ADAM7: variants seen among roughly 807,000 people sequenced by gnomAD.
The protein encoded by ADAM7 is ADAM metallopeptidase domain 7, also known as disintegrin and metalloproteinase domain-containing protein 7.
ADAM7 carries 97 observed loss-of-function variants against 102.9 expected under a neutral mutation model. The ratio of observed to expected loss-of-function variants is 0.94; its 90% CI spans 0.80 to 1.12. The LOEUF (loss-of-function observed/expected upper bound fraction) is 1.12, where lower values mean the gene tolerates loss of function less well. ADAM7 is among the 50% of genes most tolerant of loss of function. The probability of loss-of-function intolerance (pLI) is 0.00; values close to 1 mark genes in which losing one functional copy is unlikely to be tolerated. For missense variants in ADAM7, 991 were observed against 908.7 expected (o/e 1.09, Z -1.16); for synonymous variants, 334 against 304.4 (o/e 1.10, Z -1.01).
At chr8:24,477,104 G>A (rs190016471) in intron 8 of ADAM7, among the ~76,000 whole-genome samples, 6 of 152,248 alleles carry the variant, frequency 3.9e-5, no homozygotes, top group Admixed American at 3.9e-4. Context: ...CACCAGTTGA[G>A]GGACATTTAA....
Position 24,490,866 on chromosome 8 carries a change from G to T in ADAM7, c.1334G>T (p.Gly445Val). ...VLKPGFTCAE[G>V]ECCESCQIKK... ...AAGCCAGGATTTACTTGTGCAGAAGGAGAATGCTGTGAATCTTGTCAGGTA... is the reference window on the plus strand; with the variant it reads ...AAGCCAGGATTTACTTGTGCAGAAGTAGAATGCTGTGAATCTTGTCAGGTA... Residue 445 changes from glycine (G) to valine (V), a missense_variant, in exon 13 of 22, where the codon GGA becomes GTA. Gly to Val is a moderately radical substitution (Grantham distance 109, BLOSUM62 -3). Coordinates refer to ENST00000175238, the MANE Select transcript of ADAM7 (RefSeq NM_003817.4). 6.2e-7 allele frequency: 1 copy of T among 1,613,430 alleles called. No homozygotes were observed. Among genetic ancestry groups the T allele is most frequent in the South Asian group, 1.1e-5 (1 of 91,044 alleles).
chr8:24,492,143 T>A, intron 14 of ADAM7, 45 bp downstream of exon 14: 1 of 1,557,506 alleles, frequency 6.4e-7, no homozygotes, highest in Admixed American at 1.8e-5. Flanking sequence ...TGGTGGCCTC[T>A]ATTTCTCTGT....
Position 24,466,820 on chromosome 8 carries a change from CCAA to C in ADAM7, c.412_414del (p.Gln138del), listed in dbSNP as rs755190811. On this transcript the variant is annotated inframe_deletion, in exon 6 of 22. Transcript: ENST00000175238. ...ACAGGGGATTCTTCAGAATAAACGA[CCAA>C]AGATACCTCATTGAACCAGTGAAAT... The C allele has an allele frequency of 6.2e-7, 1 of 1,613,170 alleles. No individual in the cohort carries two copies. Among genetic ancestry groups the C allele is most frequent in the South Asian group, 1.1e-5 (1 of 90,742 alleles).
At chr8:24,450,948 A>T (rs141278249) in intron 3 of ADAM7, among the ~76,000 whole-genome samples, 6,697 of 152,262 alleles carry the variant, frequency 0.044, 212 homozygotes, top group African/African-American at 0.06. Flanking sequence ...ATGCTAGATT[A>T]CATTTATTGA....
chr8:24,466,863 G>C lies in ADAM7; in HGVS notation c.454G>C (p.Glu152Gln), dbSNP rs748959286. 16 of 1,613,976 alleles carry C rather than the reference G, an allele frequency of 9.9e-6. No individual in the cohort carries two copies. Among genetic ancestry groups the C allele is most frequent in the African/African-American group, 1.3e-5 (1 of 75,034 alleles). The change falls in exon 6 of 22, where the codon GAA (glutamate) becomes CAA (glutamine). Residue 152 changes from glutamate (E) to glutamine (Q), a missense_variant. Glu to Gln is a conservative substitution (Grantham distance 29). Coordinates refer to ENST00000175238, the MANE Select transcript of ADAM7 (RefSeq NM_003817.4). ...IEPVKYSDEGEHLVFKYNLRV... is the reference protein window; with the variant it reads ...IEPVKYSDEGQHLVFKYNLRV... Reference sequence around the variant, plus strand: ...ACCAGTGAAATACTCAGATGAGGGAGAACATTTGGTGTTCAAATATAACCT... The same window carrying C: ...ACCAGTGAAATACTCAGATGAGGGACAACATTTGGTGTTCAAATATAACCT...
intron 11 of ADAM7, among the ~76,000 whole-genome samples, chr8:24,487,964 G>A (rs987660848): frequency 6.6e-6 from 1 of 152,064 alleles, no homozygotes; most frequent in South Asian, 2.1e-4. Context: ...AAGCTATAAT[G>A]TCTTCCTTCA....
At chr8:24,507,418 T>A in intron 20 of ADAM7, 62 bp from the exon 21 acceptor site, 1 of 1,331,954 alleles carries the variant, frequency 7.5e-7, no homozygotes. Context: ...TGTCTGTGTG[T>A]GGATGCCCAT....
At chr8:24,502,656 A>C (rs1300752813) in intron 20 of ADAM7, among the ~76,000 whole-genome samples, 1 of 152,114 alleles carries the variant, frequency 6.6e-6, no homozygotes, top group Non-Finnish European at 1.5e-5. Context: ...GAAATTTTTG[A>C]AAGATAAACA....
intron 5 of ADAM7, 118 bp downstream of exon 5, chr8:24,465,893 G>A: frequency 1.5e-6 from 1 of 658,922 alleles, no homozygotes; most frequent in Non-Finnish European, 2.3e-6. Flanking sequence ...TGAGAAAAAA[G>A]CTGCTGTGCA....
chr8:24,449,637 GA>G (rs1818703473), intron 3 of ADAM7, among the ~76,000 whole-genome samples: 1 of 152,158 alleles, frequency 6.6e-6, no homozygotes, highest in African/African-American at 2.4e-5. Context: ...TTGCTGTGCA[GA>G]AGCTCTTTAG....
chr8:24,442,426 C>T (rs753691014), intron 1 of ADAM7, 47 bp from the exon 2 acceptor site: 10 of 1,312,328 alleles, frequency 7.6e-6, no homozygotes, highest in Admixed American at 6.7e-5. Flanking sequence ...CCGCTGTAGA[C>T]GAATGTTAAT....
chr8:24,459,280 C>T (rs1005501000), intron 3 of ADAM7, among the ~76,000 whole-genome samples: 1 of 151,688 alleles, frequency 6.6e-6, no homozygotes, highest in African/African-American at 2.4e-5. Context: ...ACTTAAGTTG[C>T]CCCCTTTTTT....
At chr8:24,457,512 G>A (rs1054417392) in intron 3 of ADAM7, among the ~76,000 whole-genome samples, 2 of 152,088 alleles carry the variant, frequency 1.3e-5, no homozygotes, top group Non-Finnish European at 2.9e-5. Context: ...CTAAGCTCAG[G>A]CAATCCACCC....
Position 24,463,996 on chromosome 8 carries a change from A to C in ADAM7, c.312+36A>C, listed in dbSNP as rs536854278. The C allele has an allele frequency of 3.8e-6, 6 of 1,564,824 alleles. No individual in the cohort carries two copies. In the African/African-American group the frequency reaches 5.4e-5, roughly 14 times the overall value. ...GAACTTTACTGTGTCTCTTCTCTAA[A>C]AGCAGTATTTCCTGATGTGATTTTG... On this transcript the variant is annotated intron_variant, in intron 4 of 21. Coordinates refer to ENST00000175238, the MANE Select transcript of ADAM7 (RefSeq NM_003817.4).
At position 24,441,129 on chromosome 8, in the gene ADAM7, C is replaced by G. The variant is rs1232166310; in HGVS notation, c.21C>G (p.Phe7Leu). 1.9e-5 allele frequency: 30 copies of G among 1,613,710 alleles called. No homozygotes were observed. Among genetic ancestry groups the G allele is most frequent in the Non-Finnish European group, 2.5e-5 (29 of 1,179,738 alleles). The change falls in exon 1 of 22, where the codon TTC becomes TTG. Residue 7 changes from phenylalanine (F) to leucine (L), a missense_variant. Physicochemically the swap from Phe to Leu is conservative, Grantham distance 22. Transcript: ENST00000175238. Reference sequence around the variant, plus strand: ...TCAGAATGCTTCCCGGGTGTATATTCTTGATGATTTTACTCATTCCTCAGG... The same window carrying G: ...TCAGAATGCTTCCCGGGTGTATATTGTTGATGATTTTACTCATTCCTCAGG... MLPGCI[F>L]LMILLIPQVK...
chr8:24,472,815 G>A (rs970192239), intron 7 of ADAM7, among the ~76,000 whole-genome samples: 6 of 151,932 alleles, frequency 3.9e-5, no homozygotes, highest in Admixed American at 2.6e-4. Flanking sequence ...GTTCAACAGA[G>A]CCAAGTACTA....
chr8:24,457,759 C>T (rs150376552), intron 3 of ADAM7, among the ~76,000 whole-genome samples: 3 of 152,140 alleles, frequency 2.0e-5, no homozygotes, highest in Non-Finnish European at 4.4e-5. Context: ...TGCCTAACTG[C>T]AAATCACAAA....
chr8:24,462,487 T>C (rs183674114), intron 3 of ADAM7, among the ~76,000 whole-genome samples: 7 of 152,342 alleles, frequency 4.6e-5, no homozygotes, highest in Admixed American at 3.3e-4. Flanking sequence ...AACTGGAAAC[T>C]TCATCTTATG....
Position 24,508,715 on chromosome 8 carries a change from A to G in ADAM7, c.*169A>G, listed in dbSNP as rs1221756014. The stretch of plus-strand genomic sequence containing the variant: ...AGAGAAACAACTTATTTCTGTTAAT[A>G]TTTACCGGTAGAATTCACACCCTCT... On this transcript the variant is annotated 3_prime_UTR_variant, in exon 22 of 22. Coordinates refer to ENST00000175238, the MANE Select transcript of ADAM7 (RefSeq NM_003817.4). 2 of 1,437,140 alleles carry G rather than the reference A, an allele frequency of 1.4e-6. No individual in the cohort carries two copies. The highest frequency in any genetic ancestry group is 1.8e-6 in the Non-Finnish European group (2 of 1,092,078). The allele number at this position is 1,437,140 out of a possible 1,614,324, so 89.0% of individuals were successfully genotyped here.
Sources: gnomAD v4.1 joint callset for allele counts (sites outside exome capture counted in the v4.1 genomes callset) on GRCh38, gnomAD v4.1.1 for gene constraint, MANE v1.5 for transcripts, NCBI Gene and HGNC (gene_info 2026-07-23, HGNC 2026-07-21) for gene names.